Variants in KIF1B observed in about 807,000 individuals in gnomAD.
KIF1B encodes kinesin-like protein KIF1B.
Under a neutral mutation model 241.9 loss-of-function variants are expected in KIF1B, and 76 were observed. The observed-to-expected ratio is 0.31, with a 90% CI of 0.26 to 0.38. The LOEUF (loss-of-function observed/expected upper bound fraction) is 0.38. Among genes scored for constraint, KIF1B ranks in the 10% least tolerant of loss-of-function variants. KIF1B has a pLI of 1.00. For missense variants in KIF1B, 1,622 were observed against 2,271.4 expected (o/e 0.71, Z 5.81); for synonymous variants, 750 against 796.7 (o/e 0.94, Z 0.99).
intron 2 of KIF1B, among the ~76,000 whole-genome samples, chr1:10,248,400 T>C (rs1647274491): frequency 6.6e-6 from 1 of 152,088 alleles, no homozygotes; most frequent in Non-Finnish European, 1.5e-5. Flanking sequence ...AAGACCTCAT[T>C]ATGTTGCCCA....
chr1:10,303,897 T>G lies in KIF1B; in HGVS notation c.2115+6651T>G, dbSNP rs752597127. 3.7e-6 allele frequency: 6 copies of G among 1,614,222 alleles called. No homozygotes were observed. The South Asian group carries it at 6.6e-5, about 18-fold the overall frequency. On this transcript the variant is annotated intron_variant, in intron 22 of 48. Coordinates refer to ENST00000676179, the MANE Select transcript of KIF1B (RefSeq NM_001365951.3). This position sits in a 1 kb window ranked among gnomAD's most constrained non-coding sequence, Gnocchi z 5.2. ...GAGAACTTGCAAAAGAAGAACGTGT[T>G]TCCCAGCTGATGAATGGGGATCCAG...
intron 2 of KIF1B, among the ~76,000 whole-genome samples, chr1:10,254,123 G>T (rs1647620875): frequency 6.6e-6 from 1 of 152,198 alleles, no homozygotes; most frequent in African/African-American, 2.4e-5. Flanking sequence ...CAAATATGAG[G>T]AGCTAAAGCT....
chr1:10,373,267 T>C (rs1410363297), intron 45 of KIF1B, among the ~76,000 whole-genome samples: 5 of 150,840 alleles, frequency 3.3e-5, no homozygotes, highest in Admixed American at 6.6e-5. Context: ...CTTTTTTTTT[T>C]TTTTTTGAGA....
chr1:10,306,031 GT>G (rs967122954), intron 22 of KIF1B: 25 of 1,039,398 alleles, frequency 2.4e-5, no homozygotes, highest in East Asian at 5.6e-5. Flanking sequence ...TTGTGATTAT[GT>G]TTTTTTTTCC....
intron 4 of KIF1B, among the ~76,000 whole-genome samples, chr1:10,261,269 A>G (rs560449322): frequency 0.017 from 2,541 of 146,906 alleles, 81 homozygotes; most frequent in African/African-American, 0.06. Flanking sequence ...CACCTGGCCA[A>G]ATTTTTTTTT....
Position 10,304,553 on chromosome 1 carries a change from A to G in KIF1B, c.2115+7307A>G, listed in dbSNP as rs748408559. The G allele has an allele frequency of 1.9e-6, 3 of 1,614,130 alleles. No homozygotes were observed. In the East Asian group the frequency reaches 6.7e-5, roughly 36 times the overall value. On this transcript the variant is annotated intron_variant, in intron 22 of 48. Transcript: ENST00000676179. ...ACTTCCTATCAGAAGCAGACTGACA[A>G]ACCCAGCCACTGTAGCCAGTTTGTG...
At chr1:10,277,743 C>T (rs1649192710) in intron 12 of KIF1B, among the ~76,000 whole-genome samples, 2 of 152,184 alleles carry the variant, frequency 1.3e-5, no homozygotes, top group African/African-American at 4.8e-5. Flanking sequence ...TATACAGTCT[C>T]ATAAGTTGGG....
rs551474135 is a variant in KIF1B, at chr1:10,253,477, A to G, written c.107-2770A>G. 8.5e-5 allele frequency among the ~76,000 whole-genome samples: 13 copies of G among 152,138 alleles called. No homozygotes were observed. In the South Asian group the frequency reaches 2.7e-3, roughly 32 times the overall value. On this transcript the variant is annotated intron_variant, in intron 2 of 48. Transcript: ENST00000676179. Reference sequence around the variant, plus strand: ...GCAACATAGTGAGACTCCCATCTCTACAAAAAAGAAAAATAATTAGCCGGG... The same window carrying G: ...GCAACATAGTGAGACTCCCATCTCTGCAAAAAAGAAAAATAATTAGCCGGG...
rs1399272803 is a variant in KIF1B at position 10,250,082 on chromosome 1, A to G, written c.107-6165A>G. 2.6e-5 allele frequency among the ~76,000 whole-genome samples: 4 copies of G among 152,108 alleles called. No individual in the cohort carries two copies. In the South Asian group the frequency reaches 8.3e-4, roughly 32 times the overall value. ...CACCTTGGCCTCCTAAAGTGTTGAG[A>G]TTACAGGCATGAGCCACTGAACCTG... On this transcript the variant is annotated intron_variant, in intron 2 of 48. Coordinates refer to ENST00000676179, the MANE Select transcript of KIF1B (RefSeq NM_001365951.3).
At chr1:10,367,437 C>T (rs533600393) in intron 43 of KIF1B, among the ~76,000 whole-genome samples, 1 of 151,906 alleles carries the variant, frequency 6.6e-6, no homozygotes, top group Admixed American at 6.5e-5. Flanking sequence ...GGTGCGGTGG[C>T]ACACGCCTGT....
At chr1:10,254,759 C>T (rs943208879) in intron 2 of KIF1B, among the ~76,000 whole-genome samples, 8 of 151,332 alleles carry the variant, frequency 5.3e-5, no homozygotes, top group African/African-American at 1.5e-4. Flanking sequence ...CGCCTGTAGT[C>T]CTAGCTACTC....
chr1:10,248,265 T>C (rs1363968865), intron 2 of KIF1B, among the ~76,000 whole-genome samples: 1 of 151,952 alleles, frequency 6.6e-6, no homozygotes, highest in Non-Finnish European at 1.5e-5. Flanking sequence ...GGTGGTGCAG[T>C]AACGGCTCAC....
intron 22 of KIF1B, chr1:10,304,357 C>T: frequency 6.2e-7 from 1 of 1,614,186 alleles, no homozygotes; most frequent in Non-Finnish European, 8.5e-7. Flanking sequence ...CAATAATGGC[C>T]AGCCGAAAAG....
At position 10,337,274 on chromosome 1, in the gene KIF1B, A is replaced by T; in HGVS notation, c.3259+71A>T. On this transcript the variant is annotated intron_variant, in intron 30 of 48. Transcript: ENST00000676179. The surrounding 1 kb of genome is among the most constrained non-coding windows in gnomAD (Gnocchi z 4.0). The stretch of plus-strand genomic sequence containing the variant: ...GGAAAATATTGACCATTATCAAGGG[A>T]CATAGTGGCCTTCATCAACTAGGAA... 1 of 1,611,912 alleles carries T rather than the reference A, an allele frequency of 6.2e-7. No individual in the cohort carries two copies. The highest frequency in any genetic ancestry group is 8.5e-7 in the Non-Finnish European group (1 of 1,178,022).
intron 1 of KIF1B, among the ~76,000 whole-genome samples, chr1:10,216,289 C>G (rs1646765936): frequency 6.6e-6 from 1 of 152,110 alleles, no homozygotes; most frequent in Admixed American, 6.6e-5. Flanking sequence ...ATGTTAAGGT[C>G]TCAAATTCAC....
chr1:10,262,023 G>GGCTC, intron 5 of KIF1B, 53 bp downstream of exon 5: 1 of 1,238,778 alleles, frequency 8.1e-7, no homozygotes, highest in Non-Finnish European at 1.2e-6. Context: ...ATTCTCTCAA[G>GGCTC]CATCACTTAA....
intron 14 of KIF1B, among the ~76,000 whole-genome samples, chr1:10,280,456 A>G (rs143550300): frequency 0.019 from 2,855 of 152,130 alleles, 40 homozygotes; most frequent in Non-Finnish European, 0.028. Context: ...GGATGGTCTC[A>G]ATCTCTTGAC....
chr1:10,305,025 C>A, intron 22 of KIF1B: 1 of 1,098,144 alleles, frequency 9.1e-7, no homozygotes, highest in Non-Finnish European at 1.1e-6. Flanking sequence ...TTTATGCAGA[C>A]ATTCAAAAGG....
intron 31 of KIF1B, among the ~76,000 whole-genome samples, chr1:10,338,665 A>G (rs1347920926): frequency 1.3e-5 from 2 of 152,236 alleles, no homozygotes; most frequent in East Asian, 1.9e-4. Flanking sequence ...CAGCATCTCT[A>G]CCTGGTGTTA....
Sources: allele counts gnomAD v4.1 joint callset (sites outside exome capture counted in the v4.1 genomes callset), GRCh38; gene constraint gnomAD v4.1.1; non-coding constraint Gnocchi (gnomAD v3.1); transcripts MANE v1.5; gene names NCBI Gene and HGNC (gene_info 2026-07-23, HGNC 2026-07-21).